GALNTL6: variants seen among roughly 807,000 people sequenced by gnomAD.
GALNTL6 encodes polypeptide N-acetylgalactosaminyltransferase like 6.
GALNTL6 carries 46 observed loss-of-function variants against 73.7 expected under a neutral mutation model. The observed-to-expected ratio is 0.62, with a 90% CI of 0.49 to 0.80. The LOEUF is 0.80. Ranked by LOEUF, GALNTL6 falls within the 30% of genes least tolerant of loss-of-function variation. The pLI, the probability that GALNTL6 is intolerant of heterozygous loss-of-function variation, is 0.00. For synonymous variants in GALNTL6, 259 were observed against 263.7 expected, an observed-to-expected ratio of 0.98 and a Z score of 0.17; for missense variants, 604 against 755.0, an observed-to-expected ratio of 0.80 and a Z score of 2.34.
intron 3 of GALNTL6, among the ~76,000 whole-genome samples, chr4:172,248,999 G>A (rs548470113): frequency 1.3e-3 from 197 of 152,270 alleles, no homozygotes; most frequent in African/African-American, 4.5e-3. Context: ...AGAGAGTGGG[G>A]AGCTGCTGTA....
At chr4:172,620,184 G>T (rs1286528909) in intron 5 of GALNTL6, among the ~76,000 whole-genome samples, 1 of 152,172 alleles carries the variant, frequency 6.6e-6, no homozygotes, top group Non-Finnish European at 1.5e-5. Flanking sequence ...ACAACACAGA[G>T]GAGTTTAAAG....
chr4:172,206,859 C>G (rs1404389368), intron 2 of GALNTL6, among the ~76,000 whole-genome samples: 1 of 123,078 alleles, frequency 8.1e-6, no homozygotes, highest in Admixed American at 1.1e-4. Context: ...ACTCTGTCGC[C>G]CAGGCTGGAG....
intron 2 of GALNTL6, among the ~76,000 whole-genome samples, chr4:172,184,910 AT>A (rs1735371529): frequency 1.3e-5 from 2 of 152,184 alleles, no homozygotes; most frequent in African/African-American, 4.8e-5. Context: ...AATGGCATTA[AT>A]CCATTCATTC....
At chr4:172,365,907 A>G (rs2332483) in intron 5 of GALNTL6, among the ~76,000 whole-genome samples, 151,923 of 152,068 alleles carry the variant, frequency 1, 75,889 homozygotes, top group Middle Eastern at 1. Flanking sequence ...TTATGTGCAG[A>G]CCCTGTCAAA....
At chr4:172,185,491 T>G (rs1640542318) in intron 2 of GALNTL6, among the ~76,000 whole-genome samples, 1 of 152,200 alleles carries the variant, frequency 6.6e-6, no homozygotes, top group Admixed American at 6.5e-5. Context: ...CCTAATTTAT[T>G]TTTATAATTT....
intron 2 of GALNTL6, among the ~76,000 whole-genome samples, chr4:172,137,703 T>C (rs563199384): frequency 4.6e-4 from 70 of 152,272 alleles, no homozygotes; most frequent in African/African-American, 1.7e-3. Flanking sequence ...GGATTCAATG[T>C]GTTCTGTGAT....
intron 10 of GALNTL6, among the ~76,000 whole-genome samples, chr4:172,964,613 TCTC>T: frequency 6.6e-6 from 1 of 152,334 alleles, no homozygotes; most frequent in Middle Eastern, 3.4e-3. Context: ...TAATTCCAGT[TCTC>T]CTCTTCTGCT....
chr4:172,340,242 G>A (rs1424902535), intron 4 of GALNTL6, among the ~76,000 whole-genome samples: 4 of 152,074 alleles, frequency 2.6e-5, no homozygotes, highest in Admixed American at 6.5e-5. Flanking sequence ...TGCATCTATT[G>A]AGATGATCAT....
intron 5 of GALNTL6, among the ~76,000 whole-genome samples, chr4:172,743,356 C>A (rs959708583): frequency 1.3e-5 from 2 of 150,458 alleles, no homozygotes; most frequent in African/African-American, 2.5e-5. Flanking sequence ...GTTAGAATAT[C>A]ATATCCTAAT....
rs1056423950 is a variant in GALNTL6, at chr4:172,809,049, G to A, written c.554-312G>A. Among the ~76,000 whole-genome samples the A allele has an allele frequency of 6.6e-6, 1 of 152,208 alleles. No homozygotes were observed. The highest frequency in any genetic ancestry group is 1.5e-5 in the Non-Finnish European group (1 of 68,040). On this transcript the variant is annotated intron_variant, in intron 5 of 12. Transcript: ENST00000506823. This position sits in a 1 kb window ranked among gnomAD's most constrained non-coding sequence, Gnocchi z 4.4. ...TCTGACTTTACCCAGCAGGACCAGA[G>A]GGCAGAAGCCCATCTTTGGAGTGTT... is the stretch of plus-strand genomic sequence containing the variant.
intron 2 of GALNTL6, among the ~76,000 whole-genome samples, chr4:172,173,568 G>A (rs1179252049): frequency 6.6e-6 from 1 of 152,180 alleles, no homozygotes; most frequent in Non-Finnish European, 1.5e-5. Flanking sequence ...TAGTAGCTAT[G>A]AATCTCTCTG....
intron 2 of GALNTL6, among the ~76,000 whole-genome samples, chr4:171,864,848 A>T (rs927933922): frequency 9.9e-5 from 15 of 152,202 alleles, no homozygotes; most frequent in Non-Finnish European, 2.1e-4. Flanking sequence ...GCTGAAAAAA[A>T]TATTTTAAAA....
intron 10 of GALNTL6, among the ~76,000 whole-genome samples, chr4:172,983,116 G>A (rs1361276781): frequency 6.6e-6 from 1 of 152,122 alleles, no homozygotes; most frequent in African/African-American, 2.4e-5. Flanking sequence ...AATTGCACAT[G>A]CACTCCATAA....
intron 5 of GALNTL6, among the ~76,000 whole-genome samples, chr4:172,536,675 T>C (rs904453261): frequency 6.6e-6 from 1 of 152,218 alleles, no homozygotes; most frequent in Non-Finnish European, 1.5e-5. Context: ...TAAAAGCATT[T>C]ACTTTTATTC....
chr4:173,022,780 T>C (rs1349427856), intron 12 of GALNTL6, among the ~76,000 whole-genome samples: 1 of 152,190 alleles, frequency 6.6e-6, no homozygotes, highest in Non-Finnish European at 1.5e-5. Context: ...AAAACATATA[T>C]AAAGTCACAT....
chr4:172,417,731 T>A (rs1730896926), intron 5 of GALNTL6, among the ~76,000 whole-genome samples: 1 of 152,200 alleles, frequency 6.6e-6, no homozygotes. Flanking sequence ...TGTTCTTGAC[T>A]TTTTGTATGC....
At chr4:171,889,611 C>T (rs1198304946) in intron 2 of GALNTL6, among the ~76,000 whole-genome samples, 2 of 151,914 alleles carry the variant, frequency 1.3e-5, no homozygotes, top group Non-Finnish European at 2.9e-5. Flanking sequence ...TCACATTATT[C>T]GTATGTTGCC....
At chr4:171,860,524 A>G (rs1241818201) in intron 2 of GALNTL6, among the ~76,000 whole-genome samples, 2 of 152,238 alleles carry the variant, frequency 1.3e-5, no homozygotes, top group Non-Finnish European at 2.9e-5. Context: ...TATACCAACT[A>G]GAAAATAACC....
intron 5 of GALNTL6, among the ~76,000 whole-genome samples, chr4:172,730,748 T>C (rs1408415968): frequency 1.3e-5 from 2 of 152,190 alleles, no homozygotes; most frequent in Admixed American, 1.3e-4. Flanking sequence ...TAGAATGACT[T>C]GGGAAGTATT....
Sources: allele counts gnomAD v4.1 joint callset (sites outside exome capture counted in the v4.1 genomes callset), GRCh38; gene constraint gnomAD v4.1.1; non-coding constraint Gnocchi (gnomAD v3.1); transcripts MANE v1.5; gene names NCBI Gene and HGNC (gene_info 2026-07-23, HGNC 2026-07-21).